Variants in SPEF2 observed in about 807,000 individuals in gnomAD.
SPEF2 encodes sperm flagella and cilia-associated protein 2.
SPEF2 carries 187 observed loss-of-function variants against 224.6 expected under a neutral mutation model. The observed-to-expected ratio is 0.83, with a 90% CI of 0.74 to 0.94. The LOEUF is 0.94. Ranked by LOEUF, SPEF2 falls within the 40% of genes least tolerant of loss-of-function variation. The pLI is 0.00. For synonymous variants in SPEF2, 715 were observed against 707.3 expected (o/e 1.01, Z -0.17); for missense variants, 2,170 against 2,135.6 (o/e 1.02, Z -0.32).
intron 30 of SPEF2, chr5:35,789,328 T>C (rs974510193): frequency 1.0e-5 from 7 of 703,388 alleles, no homozygotes; most frequent in African/African-American, 1.7e-5. Flanking sequence ...CTGACATATT[T>C]GCCACTTTAG....
chr5:35,691,212 A>G lies in SPEF2; in HGVS notation c.1700A>G (p.Lys567Arg), dbSNP rs750936847. The change falls in exon 11 of 37, where the codon AAA becomes AGA. Residue 567 changes from lysine to arginine, a missense_variant. Transcript: ENST00000356031. Reference protein sequence around the residue: ...SFAVKGCLLGKTLSGKTTILR... With the variant: ...SFAVKGCLLGRTLSGKTTILR... ...GCTGTTAAAGGATGCTTATTGGGGA[A>G]AACATTAAGTGGAAAAACTACCATT... The G allele has an allele frequency of 5.6e-6, 9 of 1,614,054 alleles. No individual in the cohort carries two copies. In the South Asian group the frequency reaches 8.8e-5, roughly 16 times the overall value.
intron 10 of SPEF2, among the ~76,000 whole-genome samples, chr5:35,678,001 C>T (rs888699600): frequency 2.6e-5 from 4 of 152,242 alleles, no homozygotes; most frequent in Non-Finnish European, 4.4e-5. Flanking sequence ...GTGCCAGGCT[C>T]TCTCCAGCGT....
chr5:35,654,574 A>G lies in SPEF2; in HGVS notation c.826A>G (p.Thr276Ala). The G allele has an allele frequency of 2.5e-6, 4 of 1,607,028 alleles. No homozygotes were observed. Among genetic ancestry groups the G allele is most frequent in the Non-Finnish European group, 3.4e-6 (4 of 1,178,234 alleles). The part of the protein sequence containing the change: ...SKTSLDTAGQ[T>A]TTDLLNTYSD... Reference sequence around the variant, plus strand: ...GACTTCTTTAGATACAGCAGGCCAGACAACCACCGATTTGTTAAATACTTA... The same window carrying G: ...GACTTCTTTAGATACAGCAGGCCAGGCAACCACCGATTTGTTAAATACTTA... The change falls in exon 7 of 37, where the codon ACA becomes GCA. Residue 276 changes from threonine (T) to alanine (A), a missense_variant. Thr to Ala is a moderately conservative substitution (Grantham distance 58). Coordinates refer to ENST00000356031, the MANE Select transcript of SPEF2 (RefSeq NM_024867.4).
chr5:35,735,360 A>G (rs1397250250), intron 21 of SPEF2, among the ~76,000 whole-genome samples: 2 of 152,218 alleles, frequency 1.3e-5, no homozygotes, highest in Non-Finnish European at 2.9e-5. Context: ...AATATCTGAC[A>G]GGCTGCCATA....
At chr5:35,764,613 G>A (rs111673661) in intron 26 of SPEF2, 32 of 456,100 alleles carry the variant, frequency 7.0e-5, no homozygotes, top group African/African-American at 5.4e-4. Flanking sequence ...ATGAAATATC[G>A]CATTCAAACA....
intron 30 of SPEF2, among the ~76,000 whole-genome samples, chr5:35,782,969 A>T (rs1754552785): frequency 6.6e-6 from 1 of 152,238 alleles, no homozygotes. Flanking sequence ...AAATTAGATC[A>T]TGCAAAATGC....
chr5:35,751,378 T>G (rs4560569), intron 23 of SPEF2, among the ~76,000 whole-genome samples: 7,132 of 151,008 alleles, frequency 0.047, 244 homozygotes, highest in Non-Finnish European at 0.069. Flanking sequence ...ATACTGCTCA[T>G]GTGATGAGTA....
chr5:35,789,754 G>T lies in SPEF2; in HGVS notation c.4448-2586G>T, dbSNP rs187179673. ...AACCTATTATTCTCCCATGGTCTGT[G>T]TGAGTTTCTTTTATATATGTGACTA... On this transcript the variant is annotated intron_variant, in intron 30 of 36. Transcript: ENST00000356031. 1.4e-4 allele frequency: 97 copies of T among 698,856 alleles called. 2 individuals are homozygous for T. The East Asian group carries it at 1.6e-3, about 12-fold the overall frequency. 43.3% of individuals were successfully genotyped at this position (698,856 alleles called of 1,614,324 possible).
intron 36 of SPEF2, among the ~76,000 whole-genome samples, chr5:35,811,767 C>CTTTTTTTT (rs1203514196): frequency 1.3e-4 from 15 of 115,404 alleles, no homozygotes; most frequent in African/African-American, 4.7e-4. Context: ...TTTGCCATTA[C>CTTTTTTTT]TTTTTTTTTT....
At chr5:35,776,175 A>C in intron 28 of SPEF2, 82 bp from the exon 29 acceptor site, 1 of 1,368,334 alleles carries the variant, frequency 7.3e-7, no homozygotes, top group African/African-American at 1.5e-5. Flanking sequence ...TTGAAGCACC[A>C]GTGGTTTCAA....
intron 6 of SPEF2, among the ~76,000 whole-genome samples, chr5:35,654,333 G>A (rs891121793): frequency 6.6e-6 from 1 of 151,892 alleles, no homozygotes; most frequent in Non-Finnish European, 1.5e-5. Flanking sequence ...ACCTCACAGA[G>A]AATTTAGAAA....
intron 21 of SPEF2, among the ~76,000 whole-genome samples, chr5:35,736,011 G>A (rs1403041275): frequency 6.6e-6 from 1 of 152,014 alleles, no homozygotes; most frequent in African/African-American, 2.4e-5. Flanking sequence ...AAGAAAAGAT[G>A]GCATGAGAGG....
At chr5:35,721,355 C>T (rs969565636) in intron 20 of SPEF2, among the ~76,000 whole-genome samples, 1 of 152,158 alleles carries the variant, frequency 6.6e-6, no homozygotes, top group East Asian at 1.9e-4. Context: ...TTTCAGTTAA[C>T]TCCTATCAAT....
chr5:35,675,864 T>C (rs1751929424), intron 10 of SPEF2: 4 of 454,066 alleles, frequency 8.8e-6, no homozygotes, highest in East Asian at 7.0e-5. Flanking sequence ...TTTCTAATTG[T>C]TGTAGGCCAA....
chr5:35,638,159 C>T (rs147266756), intron 2 of SPEF2, among the ~76,000 whole-genome samples: 188 of 152,214 alleles, frequency 1.2e-3, no homozygotes, highest in Non-Finnish European at 2.0e-3. Flanking sequence ...GCATATTTAG[C>T]TTTCAGTCAA....
chr5:35,636,494 T>C lies in SPEF2; in HGVS notation c.162-4937T>C, dbSNP rs149095767. ...TTCCTAGGTCTTCCTTTTAAGTTTT[T>C]GGCCAGGCTCTTCTTTGCTCCAGCT... is the stretch of plus-strand genomic sequence containing the variant. On this transcript the variant is annotated intron_variant, in intron 2 of 36. Coordinates refer to ENST00000356031, the MANE Select transcript of SPEF2 (RefSeq NM_024867.4). Among the ~76,000 whole-genome samples, 7 of 152,262 alleles carry C rather than the reference T, an allele frequency of 4.6e-5. No individual in the cohort carries two copies. In the East Asian group the frequency reaches 1.2e-3, roughly 25 times the overall value.
chr5:35,730,376 T>A (rs776513375), intron 21 of SPEF2, among the ~76,000 whole-genome samples: 1 of 152,216 alleles, frequency 6.6e-6, no homozygotes, highest in Non-Finnish European at 1.5e-5. Flanking sequence ...CAGCCATGCC[T>A]CGGGCCATGT....
At chr5:35,780,396 G>A (rs761643451) in intron 30 of SPEF2, among the ~76,000 whole-genome samples, 22 of 152,208 alleles carry the variant, frequency 1.4e-4, no homozygotes, top group South Asian at 4.1e-4. Context: ...TGAACCTTGC[G>A]CTTTGATGTG....
At chr5:35,620,106 T>A (rs1271464577) in intron 1 of SPEF2, among the ~76,000 whole-genome samples, 13 of 152,164 alleles carry the variant, frequency 8.5e-5, no homozygotes. Flanking sequence ...GATTCCACAT[T>A]GTAAAAGGTC....
Sources: gnomAD v4.1 joint callset for allele counts (sites outside exome capture counted in the v4.1 genomes callset) on GRCh38, gnomAD v4.1.1 for gene constraint, MANE v1.5 for transcripts, NCBI Gene and HGNC (gene_info 2026-07-23, HGNC 2026-07-21) for gene names.